The following PLB1 variants were observed in gnomAD, a reference collection of about 807,000 sequenced individuals.
The protein encoded by PLB1 is phospholipase B1.
PLB1 carries 242 observed loss-of-function variants against 227.4 expected under a neutral mutation model. The ratio of observed to expected loss-of-function variants is 1.06; its 90% CI spans 0.96 to 1.18. The LOEUF (loss-of-function observed/expected upper bound fraction) is 1.18. Ranked by LOEUF, PLB1 falls within the 50% of genes most tolerant of loss-of-function variation. The probability of loss-of-function intolerance (pLI) is 0.00; values close to 1 mark genes in which losing one functional copy is unlikely to be tolerated. For synonymous variants in PLB1, 757 were observed against 682.2 expected (o/e 1.11, Z -1.71); for missense variants, 1,858 against 1,816.3 (o/e 1.02, Z -0.42).
intron 4 of PLB1, among the ~76,000 whole-genome samples, chr2:28,523,675 C>T (rs148779041): frequency 2.9e-4 from 44 of 152,296 alleles, no homozygotes; most frequent in African/African-American, 9.1e-4. Context: ...CTCTTTACCA[C>T]CCTCTCCTCC....
At chr2:28,631,953 A>G (rs1688686527) in intron 54 of PLB1, 83 bp from the exon 55 acceptor site, 7 of 1,205,420 alleles carry the variant, frequency 5.8e-6, no homozygotes, top group Non-Finnish European at 8.6e-6. Flanking sequence ...ACTCCCGTCA[A>G]CAACCAATCC....
chr2:28,608,537 A>G (rs1685002247), intron 43 of PLB1, among the ~76,000 whole-genome samples: 1 of 152,192 alleles, frequency 6.6e-6, no homozygotes, highest in Admixed American at 6.5e-5. Flanking sequence ...AGGGTGACTT[A>G]ACAGCACGCC....
intron 23 of PLB1, among the ~76,000 whole-genome samples, chr2:28,581,551 G>T (rs1680015540): frequency 7.9e-6 from 1 of 126,180 alleles, no homozygotes; most frequent in African/African-American, 3.4e-5. Flanking sequence ...AAAAAAAGAG[G>T]CATAGGCATT....
intron 17 of PLB1, among the ~76,000 whole-genome samples, chr2:28,562,103 A>T (rs536028511): frequency 5.9e-5 from 9 of 152,252 alleles, no homozygotes; most frequent in African/African-American, 1.4e-4. Flanking sequence ...TGACCACTTA[A>T]TGGGTTATAG....
At chr2:28,572,838 A>G (rs1434574358) in intron 20 of PLB1, among the ~76,000 whole-genome samples, 1 of 152,214 alleles carries the variant, frequency 6.6e-6, no homozygotes, top group African/African-American at 2.4e-5. Context: ...ATGATTGTAC[A>G]ACTGTGTGAA....
chr2:28,625,809 A>G (rs1465410653), intron 50 of PLB1, among the ~76,000 whole-genome samples: 1 of 151,840 alleles, frequency 6.6e-6, no homozygotes, highest in East Asian at 1.9e-4. Flanking sequence ...GATATGTGGG[A>G]CACATCCACA....
chr2:28,529,403 GCTGAGTAAGTTCC>G lies in PLB1; in HGVS notation c.415_416+11del. Reference sequence around the variant, plus strand: ...AAAGAGAGTCATACCCCACGATGGTGCTGAGTAAGTTCCCTTTCTGTCTCTCTCTGAGGTTATG... The same window carrying G: ...AAAGAGAGTCATACCCCACGATGGTGCTTTCTGTCTCTCTCTGAGGTTATG... On this transcript the variant is annotated splice_donor_variant and splice_donor_5th_base_variant and coding_sequence_variant and intron_variant, in exon 7 of 58. Transcript: ENST00000327757. LOFTEE classifies it high-confidence loss of function. 6.3e-7 allele frequency: 1 copy of G among 1,595,814 alleles called. No homozygotes were observed. The highest frequency in any genetic ancestry group is 8.6e-7 in the Non-Finnish European group (1 of 1,163,372).
At chr2:28,640,404 G>C (rs569763379) in intron 56 of PLB1, among the ~76,000 whole-genome samples, 1 of 152,164 alleles carries the variant, frequency 6.6e-6, no homozygotes, top group Middle Eastern at 3.2e-3. Flanking sequence ...ACAAAGTGGC[G>C]CAAGTGAGAA....
At chr2:28,571,208 C>A (rs1435220111) in intron 20 of PLB1, among the ~76,000 whole-genome samples, 2 of 151,930 alleles carry the variant, frequency 1.3e-5, no homozygotes, top group Non-Finnish European at 2.9e-5. Context: ...AAATTAATTC[C>A]ATTTACAATA....
chr2:28,526,962 G>A (rs1023566102), intron 6 of PLB1, among the ~76,000 whole-genome samples: 7 of 152,152 alleles, frequency 4.6e-5, no homozygotes, highest in Non-Finnish European at 1.0e-4. Context: ...TGGCCAAAGC[G>A]GTAGGCAGGA....
Position 28,582,150 on chromosome 2 carries a change from A to T in PLB1, c.1632+17A>T. The T allele has an allele frequency of 6.2e-7, 1 of 1,609,432 alleles. No individual in the cohort carries two copies. Among genetic ancestry groups the T allele is most frequent in the Non-Finnish European group, 8.5e-7 (1 of 1,175,680 alleles). ...CATGCTGAGGTACGGAGGCTAGGCC[A>T]TGAGGCCTGCATCTTAGACCTCAGA... On this transcript the variant is annotated intron_variant, in intron 24 of 57. Coordinates refer to ENST00000327757, the MANE Select transcript of PLB1 (RefSeq NM_153021.5).
rs367664496 is a variant in PLB1 at position 28,628,556 on chromosome 2, C to T, written c.3661-7C>T. On this transcript the variant is annotated splice_polypyrimidine_tract_variant and splice_region_variant and intron_variant, in intron 51 of 57. Coordinates refer to ENST00000327757, the MANE Select transcript of PLB1 (RefSeq NM_153021.5). The stretch of plus-strand genomic sequence containing the variant: ...GGGCTAAAGAGAGTACCCTTTTTTC[C>T]TTACAGGAGGCCCACTTGGCCACGG... 1.2e-4 allele frequency: 189 copies of T among 1,612,862 alleles called. No homozygotes were observed. Among genetic ancestry groups the T allele is most frequent in the Non-Finnish European group, 1.6e-4 (187 of 1,179,598 alleles).
chr2:28,539,213 G>A lies in PLB1; in HGVS notation c.698+35G>A, dbSNP rs375019783. 232 of 1,568,060 alleles carry A rather than the reference G, an allele frequency of 1.5e-4. 1 individual carries two copies. In the African/African-American group the frequency reaches 2.9e-3, roughly 20 times the overall value. ...GAAGTGGAATGAGACACGCATCTGT[G>A]ACACGGCTGTCACGTGTGCGGCCTG... On this transcript the variant is annotated intron_variant, in intron 11 of 57. Coordinates refer to ENST00000327757, the MANE Select transcript of PLB1 (RefSeq NM_153021.5).
chr2:28,534,442 TCGAGTTCATTG>T (rs759019968), intron 9 of PLB1, among the ~76,000 whole-genome samples: 2 of 152,222 alleles, frequency 1.3e-5, no homozygotes, highest in Non-Finnish European at 1.5e-5. Flanking sequence ...TCTAAAATCC[TCGAGTTCATTG>T]CATGTAGTAA....
intron 56 of PLB1, among the ~76,000 whole-genome samples, chr2:28,634,016 G>T (rs1292945039): frequency 5.3e-5 from 8 of 152,282 alleles, no homozygotes; most frequent in Middle Eastern, 3.4e-3. Flanking sequence ...CCACTCGGCT[G>T]ACTCACAATA....
intron 43 of PLB1, among the ~76,000 whole-genome samples, chr2:28,612,865 C>A (rs562121353): frequency 3.3e-5 from 5 of 151,290 alleles, no homozygotes; most frequent in South Asian, 2.1e-4. Flanking sequence ...GATGAACCCC[C>A]CCTTGGCCTC....
chr2:28,595,927 G>A (rs1366839837), intron 33 of PLB1: 1 of 152,182 alleles, frequency 6.6e-6, no homozygotes, highest in African/African-American at 2.4e-5. Context: ...ATTCTGTAGT[G>A]AACGGTTCCA....
intron 1 of PLB1, among the ~76,000 whole-genome samples, chr2:28,513,318 G>A (rs891644692): frequency 6.6e-6 from 1 of 152,192 alleles, no homozygotes; most frequent in Non-Finnish European, 1.5e-5. Context: ...ACTTATTCAA[G>A]TCTGGTCTTT....
intron 37 of PLB1, among the ~76,000 whole-genome samples, 161 bp downstream of exon 37, chr2:28,601,493 A>ACACACACACT (rs1683895256): frequency 6.6e-6 from 1 of 151,840 alleles, no homozygotes; most frequent in African/African-American, 2.4e-5. Context: ...ACACACACAC[A>ACACACACACT]CACACACTTC....
Sources: gnomAD v4.1 joint callset for allele counts (sites outside exome capture counted in the v4.1 genomes callset) on GRCh38, gnomAD v4.1.1 for gene constraint, MANE v1.5 for transcripts, NCBI Gene and HGNC (gene_info 2026-07-23, HGNC 2026-07-21) for gene names.